RBFOX1: variants seen among roughly 807,000 people sequenced by gnomAD.
RBFOX1 encodes the protein RNA binding fox-1 homolog 1.
RBFOX1 carries 8 observed loss-of-function variants against 57.7 expected under a neutral mutation model. That is an observed-to-expected ratio of 0.14 (90% CI 0.08 to 0.25). The LOEUF is 0.25. Among genes scored for constraint, RBFOX1 ranks in the 10% least tolerant of loss-of-function variants. The probability of loss-of-function intolerance (pLI) is 1.00; values close to 1 mark genes in which losing one functional copy is unlikely to be tolerated. For synonymous variants in RBFOX1, 326 were observed against 222.4 expected (o/e 1.47, Z -4.15); for missense variants, 611 against 548.5 (o/e 1.11, Z -1.14).
At chr16:7,427,976 C>G (rs1364210016) in intron 4 of RBFOX1, among the ~76,000 whole-genome samples, 1 of 152,156 alleles carries the variant, frequency 6.6e-6, no homozygotes, top group Non-Finnish European at 1.5e-5. Context: ...TCCGTGCCCC[C>G]ATATCAGATA....
In RBFOX1 at chr16:7,420,926, CACATATATATAT is replaced by C. The variant is rs1568794325; in HGVS notation, c.28-97217_28-97206del. The stretch of plus-strand genomic sequence containing the variant: ...ACATATATATACATATATATATATA[CACATATATATAT>C]ACACACACACACACACACACACATA... On this transcript the variant is annotated intron_variant, in intron 4 of 15. Transcript: ENST00000550418. Among the ~76,000 whole-genome samples, 85 of 139,912 alleles carry C rather than the reference CACATATATATAT, an allele frequency of 6.1e-4. No individual in the cohort carries two copies. The Middle Eastern group carries it at 0.015, about 25-fold the overall frequency. The allele number at this position is 139,912 out of a possible 152,430, so 91.8% of individuals were successfully genotyped here. A position where few individuals can be genotyped will look rare whatever the true frequency, so the allele number is the denominator to read the frequency against.
chr16:6,588,229 C>G (rs1156714273), intron 2 of RBFOX1, among the ~76,000 whole-genome samples: 1 of 145,512 alleles, frequency 6.9e-6, no homozygotes, highest in Non-Finnish European at 1.5e-5. Flanking sequence ...GACTGTGTCT[C>G]GGGAAAAAAA....
At chr16:7,492,527 A>C (rs1392137567) in intron 4 of RBFOX1, among the ~76,000 whole-genome samples, 1 of 152,168 alleles carries the variant, frequency 6.6e-6, no homozygotes, top group African/African-American at 2.4e-5. Flanking sequence ...GTAGCTACTT[A>C]AAACGACACT....
intron 2 of RBFOX1, among the ~76,000 whole-genome samples, chr16:6,469,469 G>C (rs75191849): frequency 6.6e-6 from 1 of 152,142 alleles, no homozygotes. Context: ...AGGAATTGGC[G>C]TGATTTTAAG....
intron 3 of RBFOX1, among the ~76,000 whole-genome samples, chr16:7,018,270 A>G (rs2094015850): frequency 6.6e-6 from 1 of 152,142 alleles, no homozygotes; most frequent in South Asian, 2.1e-4. Context: ...GCTTCTCCTT[A>G]TGCAAGGGGA....
chr16:6,996,448 G>C (rs985211985), intron 3 of RBFOX1, among the ~76,000 whole-genome samples: 2 of 152,082 alleles, frequency 1.3e-5, no homozygotes, highest in Non-Finnish European at 2.9e-5. Flanking sequence ...TATCTAGATT[G>C]ATACATACAT....
At chr16:5,793,392 C>G (rs2054769900) in intron 3 of RBFOX1, among the ~76,000 whole-genome samples, 1 of 152,250 alleles carries the variant, frequency 6.6e-6, no homozygotes, top group African/African-American at 2.4e-5. Flanking sequence ...TTAGAAATCT[C>G]CCTTGGTGAA....
intron 2 of RBFOX1, among the ~76,000 whole-genome samples, chr16:5,517,165 C>G (rs1391393236): frequency 2.0e-5 from 3 of 152,152 alleles, no homozygotes; most frequent in African/African-American, 7.2e-5. Flanking sequence ...GGAGCAGAAA[C>G]TCCATTAGGC....
chr16:6,571,995 C>A (rs1359921577), intron 2 of RBFOX1, among the ~76,000 whole-genome samples: 16 of 152,130 alleles, frequency 1.1e-4, no homozygotes. Flanking sequence ...TAGCCTTTCA[C>A]ATTTTTATAC....
intron 5 of RBFOX1, among the ~76,000 whole-genome samples, chr16:7,576,728 T>C (rs2093368024): frequency 6.6e-6 from 1 of 152,230 alleles, no homozygotes; most frequent in South Asian, 2.1e-4. Flanking sequence ...TTAATCATAA[T>C]CTCTGTAATT....
chr16:5,840,595 G>A (rs75737200), intron 3 of RBFOX1, among the ~76,000 whole-genome samples: 2 of 152,196 alleles, frequency 1.3e-5, no homozygotes, highest in Non-Finnish European at 2.9e-5. Flanking sequence ...ATGGGGGAAG[G>A]AGTTGCTGGG....
chr16:5,599,599 T>C, exon 3 of RBFOX1: 1 of 223,132 alleles, frequency 4.5e-6, no homozygotes, highest in Non-Finnish European at 8.8e-6. Context: ...TTGGTGACCT[T>C]GGGATGGCAC....
At chr16:5,762,567 G>A (rs1415510698) in intron 3 of RBFOX1, among the ~76,000 whole-genome samples, 1 of 152,156 alleles carries the variant, frequency 6.6e-6, no homozygotes, top group Non-Finnish European at 1.5e-5. Flanking sequence ...ATTTCCCCGC[G>A]GGGAATAATT....
intron 3 of RBFOX1, among the ~76,000 whole-genome samples, chr16:6,813,679 C>T (rs778129266): frequency 6.6e-6 from 1 of 152,160 alleles, no homozygotes; most frequent in Non-Finnish European, 1.5e-5. Flanking sequence ...TTCTTTATCA[C>T]CTTTCCAAGT....
At chr16:5,290,881 T>C (rs1442776577) in intron 1 of RBFOX1, among the ~76,000 whole-genome samples, 3 of 151,816 alleles carry the variant, frequency 2.0e-5, no homozygotes, top group African/African-American at 7.3e-5. Context: ...GGATATTTAG[T>C]AGAGATGGGG....
intron 4 of RBFOX1, among the ~76,000 whole-genome samples, chr16:7,478,105 A>G (rs565158792): frequency 1.6e-3 from 246 of 152,364 alleles, no homozygotes; most frequent in Non-Finnish European, 2.9e-3. Context: ...TAAGGAGTGC[A>G]GTTGAATCCC....
intron 4 of RBFOX1, among the ~76,000 whole-genome samples, chr16:5,879,271 T>C (rs2057700466): frequency 6.6e-6 from 1 of 151,870 alleles, no homozygotes; most frequent in Non-Finnish European, 1.5e-5. Context: ...CCAGCAGGGG[T>C]TTCAGATGGT....
chr16:5,265,511 A>C (rs1449689980), intron 1 of RBFOX1, among the ~76,000 whole-genome samples: 1 of 152,216 alleles, frequency 6.6e-6, no homozygotes, highest in Non-Finnish European at 1.5e-5. Context: ...CTGATTCCCA[A>C]CTATCAGTAA....
intron 1 of RBFOX1, among the ~76,000 whole-genome samples, chr16:6,260,118 C>G (rs143826900): frequency 0.012 from 1,805 of 152,198 alleles, 18 homozygotes; most frequent in Non-Finnish European, 0.019. Flanking sequence ...GGCTCTTGAT[C>G]CTAGATAGCC....
Sources: gnomAD v4.1 joint callset for allele counts (sites outside exome capture counted in the v4.1 genomes callset) on GRCh38, gnomAD v4.1.1 for gene constraint, MANE v1.5 for transcripts, NCBI Gene and HGNC (gene_info 2026-07-23, HGNC 2026-07-21) for gene names.